The following CYP4F22 variants were observed in gnomAD, a reference collection of about 807,000 sequenced individuals.
CYP4F22 encodes the protein ultra-long-chain fatty acid omega-hydroxylase.
Under a neutral mutation model 60.4 loss-of-function variants are expected in CYP4F22, and 37 were observed. That is an observed-to-expected ratio of 0.61 (90% CI 0.47 to 0.81). The LOEUF is 0.81. Ranked by LOEUF, CYP4F22 falls within the 30% of genes least tolerant of loss-of-function variation. The pLI is 0.00. For synonymous variants in CYP4F22, 258 were observed against 280.5 expected (o/e 0.92, Z 0.80); for missense variants, 655 against 715.0 (o/e 0.92, Z 0.96).
chr19:15,547,973 G>C, intron 10 of CYP4F22, 135 bp from the exon 11 acceptor site: 1 of 906,968 alleles, frequency 1.1e-6, no homozygotes, highest in Non-Finnish European at 1.6e-6. Context: ...GCCCCTGAGA[G>C]AGAGAGAGAG....
intron 1 of CYP4F22, among the ~76,000 whole-genome samples, chr19:15,513,360 TA>T (rs1419157203): frequency 7.6e-5 from 7 of 91,970 alleles, no homozygotes; most frequent in Non-Finnish European, 1.3e-4. Flanking sequence ...TATATATATA[TA>T]TTTTTTTTTT....
At chr19:15,510,962 A>ATTT (rs1386770988) in intron 1 of CYP4F22, among the ~76,000 whole-genome samples, 3 of 114,608 alleles carry the variant, frequency 2.6e-5, no homozygotes, top group East Asian at 2.5e-4. Flanking sequence ...ATATATATAT[A>ATTT]TATATTTTTT....
intron 1 of CYP4F22, among the ~76,000 whole-genome samples, chr19:15,522,496 G>A (rs1048771794): frequency 2.6e-5 from 4 of 152,006 alleles, no homozygotes; most frequent in Non-Finnish European, 2.9e-5. Flanking sequence ...GTAACGTCAT[G>A]AGACTCTGTC....
intron 1 of CYP4F22, among the ~76,000 whole-genome samples, chr19:15,511,436 A>G (rs1232729063): frequency 6.6e-6 from 1 of 152,022 alleles, no homozygotes; most frequent in African/African-American, 2.4e-5. Context: ...TCCAGCCTGA[A>G]GGACACAGCA....
At chr19:15,533,372 TA>T (rs202101817) in intron 4 of CYP4F22, among the ~76,000 whole-genome samples, 3,342 of 152,102 alleles carry the variant, frequency 0.022, 119 homozygotes, top group African/African-American at 0.077. Context: ...AGTCACCTCA[TA>T]AAAAAACTCT....
At chr19:15,543,857 A>C (rs1212031782) in intron 8 of CYP4F22, 114 bp from the exon 9 acceptor site, 3 of 1,025,842 alleles carry the variant, frequency 2.9e-6, no homozygotes, top group African/African-American at 2.3e-5. Flanking sequence ...ACTCCATCTC[A>C]GAAAAAAAAA....
At chr19:15,531,941 C>T (rs1218601445) in intron 4 of CYP4F22, among the ~76,000 whole-genome samples, 4 of 151,824 alleles carry the variant, frequency 2.6e-5, no homozygotes. Context: ...TCTATCTTTA[C>T]AAAAAATTTA....
chr19:15,538,134 T>C lies in CYP4F22; in HGVS notation c.671+141T>C, dbSNP rs760822289. 150 of 1,168,932 alleles carry C rather than the reference T, an allele frequency of 1.3e-4. 1 individual carries two copies. The highest frequency in any genetic ancestry group is 1.7e-4 in the Non-Finnish European group (139 of 815,730). The allele number at this position is 1,168,932 out of a possible 1,614,324, so 72.4% of individuals were successfully genotyped here. A position where few individuals can be genotyped will look rare whatever the true frequency, so the allele number is the denominator to read the frequency against. On this transcript the variant is annotated intron_variant, in intron 7 of 13. Coordinates refer to ENST00000269703, the MANE Select transcript of CYP4F22 (RefSeq NM_173483.4). The stretch of plus-strand genomic sequence containing the variant: ...GATGGGCCATGTGCTTCCGGGAAAC[T>C]GACCATCTCTCTGAGCTTCACTTTT...
intron 1 of CYP4F22, among the ~76,000 whole-genome samples, chr19:15,510,490 GAC>G (rs1460501273): frequency 6.6e-6 from 1 of 152,158 alleles, no homozygotes; most frequent in Non-Finnish European, 1.5e-5. Flanking sequence ...GAGAGGTGCA[GAC>G]ACTCACCCGA....
At chr19:15,529,988 G>A in intron 4 of CYP4F22, 135 bp downstream of exon 4, 1 of 1,226,216 alleles carries the variant, frequency 8.2e-7, no homozygotes, top group Non-Finnish European at 1.2e-6. Flanking sequence ...GTTTGGCAAA[G>A]CAAGCATGGC....
chr19:15,513,835 C>T (rs1296831185), intron 1 of CYP4F22, among the ~76,000 whole-genome samples: 1 of 152,158 alleles, frequency 6.6e-6, no homozygotes, highest in Admixed American at 6.5e-5. Flanking sequence ...AGTAACACAA[C>T]ATCAAAAGCA....
chr19:15,543,875 AAAG>A (rs1421384943), intron 8 of CYP4F22, 93 bp from the exon 9 acceptor site: 12 of 1,318,982 alleles, frequency 9.1e-6, no homozygotes, highest in South Asian at 1.3e-5. Context: ...AAAAAAAAAA[AAAG>A]ATGGGGGCGG....
chr19:15,509,176 G>A (rs1971054888), intron 1 of CYP4F22, among the ~76,000 whole-genome samples: 1 of 152,156 alleles, frequency 6.6e-6, no homozygotes, highest in Non-Finnish European at 1.5e-5. Flanking sequence ...GTTGTGTGAG[G>A]TCCTGGGGTT....
At chr19:15,520,181 A>G (rs1030299363) in intron 1 of CYP4F22, among the ~76,000 whole-genome samples, 3 of 151,850 alleles carry the variant, frequency 2.0e-5, no homozygotes, top group African/African-American at 7.3e-5. Context: ...CGTCTCTACT[A>G]AAAATACAAA....
At position 15,551,243 on chromosome 19, in the gene CYP4F22, AC is replaced by A. The variant is rs750713572; in HGVS notation, c.1419-49del. 14 of 1,582,432 alleles carry A rather than the reference AC, an allele frequency of 8.8e-6. No homozygotes were observed. The South Asian group carries it at 1.3e-4, about 14-fold the overall frequency. On this transcript the variant is annotated intron_variant, in intron 13 of 13. Coordinates refer to ENST00000269703, the MANE Select transcript of CYP4F22 (RefSeq NM_173483.4). ...CAAAGGAGGCATGTGACCCCCGGGG[AC>A]CAGTGCTCACACAGAAGCTGGGCCT...
rs550013680 is a variant in CYP4F22 at position 15,551,590 on chromosome 19, G to T, written c.*119G>T. 7.9e-7 allele frequency: 1 copy of T among 1,271,762 alleles called. No homozygotes were observed. Among genetic ancestry groups the T allele is most frequent in the African/African-American group, 1.5e-5 (1 of 67,570 alleles). The allele number at this position is 1,271,762 out of a possible 1,614,324, so 78.8% of individuals were successfully genotyped here. A position where few individuals can be genotyped will look rare whatever the true frequency, so the allele number is the denominator to read the frequency against. On this transcript the variant is annotated 3_prime_UTR_variant, in exon 14 of 14. Coordinates refer to ENST00000269703, the MANE Select transcript of CYP4F22 (RefSeq NM_173483.4). The stretch of plus-strand genomic sequence containing the variant: ...CCTCGAAGTTCAGGTTCAGCTCCTG[G>T]ATGACCAGGCACCGCTGTTGAGCAG...
chr19:15,538,091 T>C (rs1349179822), intron 7 of CYP4F22, 98 bp downstream of exon 7: 12 of 1,548,076 alleles, frequency 7.8e-6, no homozygotes, highest in Middle Eastern at 1.7e-4. Context: ...AACTCTGGCC[T>C]ATGGGAGCTC....
At chr19:15,529,336 C>T (rs934458177) in intron 3 of CYP4F22, among the ~76,000 whole-genome samples, 1 of 151,978 alleles carries the variant, frequency 6.6e-6, no homozygotes, top group Non-Finnish European at 1.5e-5. Context: ...ACCATGTTGT[C>T]CAGCCTGGTC....
At chr19:15,526,744 T>C (rs1392753100) in intron 3 of CYP4F22, among the ~76,000 whole-genome samples, 1 of 151,552 alleles carries the variant, frequency 6.6e-6, no homozygotes. Flanking sequence ...GGCTAGACTT[T>C]TCCTTTTTTT....
Sources: allele counts gnomAD v4.1 joint callset (sites outside exome capture counted in the v4.1 genomes callset), GRCh38; gene constraint gnomAD v4.1.1; transcripts MANE v1.5; gene names NCBI Gene and HGNC (gene_info 2026-07-23, HGNC 2026-07-21).